The following SHISA6 variants were observed in gnomAD, a reference collection of about 807,000 sequenced individuals.
The protein encoded by SHISA6 is protein shisa-6.
In SHISA6, 22 loss-of-function variants were observed where a neutral mutation model predicts 47.9. The ratio of observed to expected loss-of-function variants is 0.46; its 90% CI spans 0.33 to 0.66. The LOEUF (loss-of-function observed/expected upper bound fraction) is 0.66. SHISA6 is among the 30% of genes least tolerant of loss of function. The pLI is 0.02. For synonymous variants in SHISA6, 388 were observed against 337.8 expected (o/e 1.15, Z -1.63); for missense variants, 680 against 764.6 (o/e 0.89, Z 1.30).
chr17:11,435,762 A>G (rs536651905), intron 3 of SHISA6, among the ~76,000 whole-genome samples: 1 of 152,292 alleles, frequency 6.6e-6, no homozygotes, highest in South Asian at 2.1e-4. Flanking sequence ...AAGTGTATCC[A>G]TAGCTGTGCA....
chr17:11,316,160 T>TTTA (rs34646501), intron 2 of SHISA6, among the ~76,000 whole-genome samples: 99,851 of 149,516 alleles, frequency 0.67, 34,279 homozygotes, highest in Non-Finnish European at 0.76. Context: ...ATAGTGTTTT[T>TTTA]AAAAAAAAAA....
At chr17:11,348,615 C>T (rs991232008) in intron 2 of SHISA6, among the ~76,000 whole-genome samples, 1 of 151,986 alleles carries the variant, frequency 6.6e-6, no homozygotes, top group African/African-American at 2.4e-5. Context: ...AAGTTTTATT[C>T]CTTTTATTCT....
chr17:11,420,191 G>C (rs1914412272), intron 3 of SHISA6, among the ~76,000 whole-genome samples: 1 of 152,144 alleles, frequency 6.6e-6, no homozygotes, highest in Non-Finnish European at 1.5e-5. Flanking sequence ...GCGATAGAGG[G>C]AGACACCATC....
chr17:11,249,185 C>G (rs1907707200), intron 1 of SHISA6, among the ~76,000 whole-genome samples: 2 of 151,748 alleles, frequency 1.3e-5, no homozygotes, highest in South Asian at 2.1e-4. Context: ...CTTTCTCTCT[C>G]TCTCCCAGAG....
intron 3 of SHISA6, among the ~76,000 whole-genome samples, chr17:11,525,755 C>T (rs3095683): frequency 0.45 from 68,652 of 151,178 alleles, 15,606 homozygotes; most frequent in East Asian, 0.57. Context: ...GTGGCTCGCA[C>T]CTGTAATCCC....
intron 3 of SHISA6, among the ~76,000 whole-genome samples, chr17:11,491,770 GTT>G (rs1297841489): frequency 5.9e-5 from 8 of 135,264 alleles, no homozygotes; most frequent in African/African-American, 1.7e-4. Context: ...CTGGTGAAGT[GTT>G]TTTTTTTTTT....
intron 2 of SHISA6, among the ~76,000 whole-genome samples, chr17:11,278,406 C>T (rs1041728854): frequency 3.3e-5 from 5 of 152,232 alleles, no homozygotes; most frequent in Admixed American, 6.5e-5. Flanking sequence ...TGCACCTGCA[C>T]TCTCAGGAGC....
chr17:11,251,817 G>A (rs985349404), intron 1 of SHISA6, among the ~76,000 whole-genome samples: 7 of 152,086 alleles, frequency 4.6e-5, no homozygotes, highest in African/African-American at 1.7e-4. Flanking sequence ...TGAGGGGCAC[G>A]TGGAAAGGAA....
chr17:11,261,926 T>G (rs189305644), intron 1 of SHISA6, among the ~76,000 whole-genome samples: 36 of 152,322 alleles, frequency 2.4e-4, no homozygotes, highest in Non-Finnish European at 3.8e-4. Flanking sequence ...GGTTTTCCAT[T>G]TCCACCAGTA....
rs80298976 is a variant in SHISA6 at position 11,521,134 on chromosome 17, C to T, written c.896-30762C>T. ...GGTCATGTTCTAGAAATTTATAACT[C>T]TGAATGTTCCCTCATTTTTATTTGC... On this transcript the variant is annotated intron_variant, in intron 3 of 5. Coordinates refer to ENST00000441885, the MANE Select transcript of SHISA6 (RefSeq NM_207386.4). Among the ~76,000 whole-genome samples, 325 of 152,306 alleles carry T rather than the reference C, an allele frequency of 2.1e-3. 2 individuals are homozygous for T. The East Asian group carries it at 0.026, about 12-fold the overall frequency.
At chr17:11,293,548 A>G (rs1325251802) in intron 2 of SHISA6, among the ~76,000 whole-genome samples, 2 of 152,150 alleles carry the variant, frequency 1.3e-5, no homozygotes, top group South Asian at 2.1e-4. Context: ...GGAAGTACTG[A>G]CACACTCCTC....
chr17:11,378,282 A>C (rs942745702), intron 2 of SHISA6, among the ~76,000 whole-genome samples: 1 of 152,200 alleles, frequency 6.6e-6, no homozygotes, highest in East Asian at 1.9e-4. Flanking sequence ...TGTTCCTACT[A>C]TCCAAAGACA....
chr17:11,272,056 C>T (rs1438636785), intron 2 of SHISA6, among the ~76,000 whole-genome samples: 1 of 152,096 alleles, frequency 6.6e-6, no homozygotes, highest in Non-Finnish European at 1.5e-5. Context: ...GCTCCCCTTA[C>T]CTCCTCCTCA....
At chr17:11,249,422 G>T (rs1358775295) in intron 1 of SHISA6, among the ~76,000 whole-genome samples, 2 of 152,092 alleles carry the variant, frequency 1.3e-5, no homozygotes, top group Non-Finnish European at 2.9e-5. Flanking sequence ...ATTCATAGAC[G>T]CCAGTTTTGC....
At position 11,558,440 on chromosome 17, in the gene SHISA6, G is replaced by A. The variant is rs1268152543; in HGVS notation, c.*136G>A. The A allele has an allele frequency of 8.9e-6, 9 of 1,009,298 alleles. No individual in the cohort carries two copies. Among genetic ancestry groups the A allele is most frequent in the South Asian group, 1.7e-5 (1 of 59,872 alleles). 62.5% of individuals were successfully genotyped at this position (1,009,298 alleles called of 1,614,324 possible). On this transcript the variant is annotated 3_prime_UTR_variant, in exon 6 of 6. Coordinates refer to ENST00000441885, the MANE Select transcript of SHISA6 (RefSeq NM_207386.4). ...TAGGAAGTGGGGGTGGGCCACCTTT[G>A]CCCAAAAAGCCATACCCCCGGGGAC...
At chr17:11,273,711 C>G (rs1401025625) in intron 2 of SHISA6, among the ~76,000 whole-genome samples, 1 of 152,144 alleles carries the variant, frequency 6.6e-6, no homozygotes, top group African/African-American at 2.4e-5. Context: ...GCTACAGCGA[C>G]ATGGAGTGAT....
In SHISA6 at chr17:11,456,709, C is replaced by T. The variant is rs1597525540; in HGVS notation, c.895+77200C>T. ...TTAGCCCTCACCAGGGCTGGACCGC[C>T]CCCCTCTGCACACGAAGAACTGCAG... On this transcript the variant is annotated intron_variant, in intron 3 of 5. Coordinates refer to ENST00000441885, the MANE Select transcript of SHISA6 (RefSeq NM_207386.4). Among the ~76,000 whole-genome samples the T allele has an allele frequency of 2.0e-5, 3 of 152,266 alleles. No individual in the cohort carries two copies. In the East Asian group the frequency reaches 5.8e-4, roughly 29 times the overall value.
intron 3 of SHISA6, among the ~76,000 whole-genome samples, chr17:11,450,145 G>A (rs28845233): frequency 0.26 from 39,766 of 151,374 alleles, 5,359 homozygotes; most frequent in South Asian, 0.36. Context: ...TCGGCCTCCC[G>A]AAGTGCTGGG....
intron 2 of SHISA6, among the ~76,000 whole-genome samples, chr17:11,304,491 C>T (rs572724178): frequency 4.6e-5 from 7 of 151,196 alleles, no homozygotes; most frequent in Middle Eastern, 3.4e-3. Flanking sequence ...GGGGAGAAGC[C>T]AGCAGAGAGA....
Sources: allele counts gnomAD v4.1 joint callset (sites outside exome capture counted in the v4.1 genomes callset), GRCh38; gene constraint gnomAD v4.1.1; transcripts MANE v1.5; gene names NCBI Gene and HGNC (gene_info 2026-07-23, HGNC 2026-07-21).